Variants in ADAMTSL3 observed in about 807,000 individuals in gnomAD.
The protein encoded by ADAMTSL3 is ADAMTS like 3.
A neutral mutation model predicts 201.7 loss-of-function variants in ADAMTSL3; 128 were observed. The ratio of observed to expected loss-of-function variants is 0.63; its 90% CI spans 0.55 to 0.73. ADAMTSL3 has a LOEUF of 0.73. Ranked by LOEUF, ADAMTSL3 falls within the 30% of genes least tolerant of loss-of-function variation. ADAMTSL3 has a pLI of 0.00. For synonymous variants in ADAMTSL3, 738 were observed against 748.4 expected, an observed-to-expected ratio of 0.99 and a Z score of 0.23; for missense variants, 1,990 against 2,119.6, an observed-to-expected ratio of 0.94 and a Z score of 1.20.
At chr15:84,023,834 C>G (rs1315498947) in intron 26 of ADAMTSL3, among the ~76,000 whole-genome samples, 2 of 152,122 alleles carry the variant, frequency 1.3e-5, no homozygotes, top group Non-Finnish European at 2.9e-5. Context: ...GCCACAGCTC[C>G]CTCTGGTGGT....
rs1416606750 is a variant in ADAMTSL3 at position 83,990,612 on chromosome 15, G to C, written c.3845-474G>C. On this transcript the variant is annotated intron_variant, in intron 22 of 29. Transcript: ENST00000286744. Reference sequence around the variant, plus strand: ...CTGTCTTCATCAACCCCCTCCCCCAGTATCTCACATCCCTCCTTCCAGAAA... The same window carrying C: ...CTGTCTTCATCAACCCCCTCCCCCACTATCTCACATCCCTCCTTCCAGAAA... Among the ~76,000 whole-genome samples the C allele has an allele frequency of 2.0e-5, 3 of 152,098 alleles. No individual in the cohort carries two copies. The East Asian group carries it at 5.8e-4, about 29-fold the overall frequency.
chr15:84,004,556 C>T lies in ADAMTSL3; in HGVS notation c.3974-9986C>T, dbSNP rs2067857223. Among the ~76,000 whole-genome samples, 4 of 152,166 alleles carry T rather than the reference C, an allele frequency of 2.6e-5. No individual in the cohort carries two copies. In the South Asian group the frequency reaches 6.2e-4, roughly 24 times the overall value. ...GTAATCAGGAGTAAACTAGAATTAACCAGGAGTGAGTAAACAGGAGTAAAC... is the reference window on the plus strand; with the variant it reads ...GTAATCAGGAGTAAACTAGAATTAATCAGGAGTGAGTAAACAGGAGTAAAC... On this transcript the variant is annotated intron_variant, in intron 23 of 29. Coordinates refer to ENST00000286744, the MANE Select transcript of ADAMTSL3 (RefSeq NM_207517.3).
At chr15:83,696,857 T>C (rs955138383) in intron 2 of ADAMTSL3, among the ~76,000 whole-genome samples, 1 of 152,002 alleles carries the variant, frequency 6.6e-6, no homozygotes, top group Non-Finnish European at 1.5e-5. Context: ...TCTAAAACAG[T>C]CTTGAGATGC....
At chr15:83,678,403 A>C (rs927276791) in intron 2 of ADAMTSL3, among the ~76,000 whole-genome samples, 1 of 113,080 alleles carries the variant, frequency 8.8e-6, no homozygotes, top group African/African-American at 3.7e-5. Flanking sequence ...TGCTGGATAT[A>C]GAATTATAGG....
intron 3 of ADAMTSL3, among the ~76,000 whole-genome samples, chr15:83,728,954 C>G (rs2062223842): frequency 6.6e-6 from 1 of 152,008 alleles, no homozygotes; most frequent in African/African-American, 2.4e-5. Context: ...GATGAAATCT[C>G]TCAGTTTTTG....
intron 3 of ADAMTSL3, among the ~76,000 whole-genome samples, chr15:83,745,000 G>A (rs2062521688): frequency 6.6e-6 from 1 of 152,186 alleles, no homozygotes; most frequent in Admixed American, 6.5e-5. Flanking sequence ...TTTCCTCCTC[G>A]AATGTTTGCC....
intron 7 of ADAMTSL3, among the ~76,000 whole-genome samples, chr15:83,839,298 A>T (rs774113330): frequency 6.6e-6 from 1 of 152,162 alleles, no homozygotes; most frequent in Non-Finnish European, 1.5e-5. Context: ...TTTTTCAGGC[A>T]GAGGAAACAC....
chr15:83,913,372 G>T lies in ADAMTSL3; in HGVS notation c.1981G>T (p.Val661Leu), dbSNP rs4842838. 898,298 of 1,611,870 alleles carry T rather than the reference G, an allele frequency of 0.56. 255,803 individuals carry two copies. The highest frequency in any genetic ancestry group is 0.79 in the African/African-American group (59,361 of 74,958). ...GTTCACCCCTTGCACAGCAACATGC[G>T]TGGGAGGTATTTGAACCTTTGCTTA... ...AGFTPCTATCVGGHQEAIAVC... is the reference protein window; with the variant it reads ...AGFTPCTATCLGGHQEAIAVC... Residue 661 changes from valine to leucine, a missense_variant, in exon 16 of 30, where the codon GTG becomes TTG. Val to Leu is a conservative substitution (Grantham distance 32, BLOSUM62 1). Coordinates refer to ENST00000286744, the MANE Select transcript of ADAMTSL3 (RefSeq NM_207517.3).
intron 4 of ADAMTSL3, among the ~76,000 whole-genome samples, chr15:83,796,142 G>C (rs1488529734): frequency 2.6e-5 from 4 of 152,116 alleles, no homozygotes; most frequent in Admixed American, 6.5e-5. Flanking sequence ...TTAGGTGTGA[G>C]ATAAGAATGC....
At chr15:83,742,775 T>C (rs1252074506) in intron 3 of ADAMTSL3, among the ~76,000 whole-genome samples, 1 of 152,186 alleles carries the variant, frequency 6.6e-6, no homozygotes, top group Non-Finnish European at 1.5e-5. Flanking sequence ...TATGGGAGAG[T>C]TCCTTTCCAA....
rs1320641234 is a variant in ADAMTSL3, at chr15:83,982,606, T to G, written c.2978T>G (p.Leu993Arg). The G allele has an allele frequency of 6.2e-7, 1 of 1,614,154 alleles. No individual in the cohort carries two copies. Among genetic ancestry groups the G allele is most frequent in the East Asian group, 2.2e-5 (1 of 44,884 alleles). Residue 993 changes from leucine (L) to arginine (R), a missense_variant, in exon 21 of 30, where the codon CTC becomes CGC. Coordinates refer to ENST00000286744, the MANE Select transcript of ADAMTSL3 (RefSeq NM_207517.3). Reference protein sequence around the residue: ...IAGSAQETVVLKLIGTDNRLI... With the variant: ...IAGSAQETVVRKLIGTDNRLI... ...GGCTCTGCACAGGAAACAGTTGTGC[T>G]CAAGCTCATTGGTACTGACAACCGG...
intron 6 of ADAMTSL3, among the ~76,000 whole-genome samples, chr15:83,830,450 C>T (rs186843442): frequency 1.2e-4 from 18 of 152,048 alleles, no homozygotes; most frequent in Non-Finnish European, 2.4e-4. Flanking sequence ...AAGATAAGGG[C>T]GGGTGAGCAT....
intron 7 of ADAMTSL3, among the ~76,000 whole-genome samples, chr15:83,842,694 C>T (rs930729872): frequency 2.0e-5 from 3 of 152,176 alleles, no homozygotes; most frequent in African/African-American, 7.2e-5. Context: ...AGTGTGAAAA[C>T]AGAGTGATTG....
Position 83,662,714 on chromosome 15 carries a change from A to G in ADAMTSL3, c.69+6884A>G, listed in dbSNP as rs140280800. Among the ~76,000 whole-genome samples the G allele has an allele frequency of 9.4e-3, 1,432 of 152,176 alleles. 23 individuals are homozygous for G. Among genetic ancestry groups the G allele is most frequent in the African/African-American group, 0.033 (1,363 of 41,524 alleles). On this transcript the variant is annotated intron_variant, in intron 2 of 29. Transcript: ENST00000286744. ...TGGCTTCAGGTACCTGAAGTTGCAC[A>G]GGGCTCTTTTCCCTCTACCATGGAA...
At chr15:83,806,812 C>T (rs762131587) in intron 5 of ADAMTSL3, among the ~76,000 whole-genome samples, 6 of 152,116 alleles carry the variant, frequency 3.9e-5, no homozygotes, top group Non-Finnish European at 8.8e-5. Flanking sequence ...GAGATCACAC[C>T]ACTGCACTCC....
intron 3 of ADAMTSL3, among the ~76,000 whole-genome samples, chr15:83,748,072 A>G (rs1271802947): frequency 6.6e-6 from 1 of 152,122 alleles, no homozygotes; most frequent in African/African-American, 2.4e-5. Context: ...CTTCACCTCC[A>G]ATCCCATGTT....
rs560573549 is a variant in ADAMTSL3 at position 83,742,797 on chromosome 15, A to C, written c.190-30726A>C. On this transcript the variant is annotated intron_variant, in intron 3 of 29. Coordinates refer to ENST00000286744, the MANE Select transcript of ADAMTSL3 (RefSeq NM_207517.3). Reference sequence around the variant, plus strand: ...GAGTTCCTTTCCAATGATTTTGCCTAAAATGGGGTCACCTTCTTCGGTCTG... The same window carrying C: ...GAGTTCCTTTCCAATGATTTTGCCTCAAATGGGGTCACCTTCTTCGGTCTG... 1.8e-4 allele frequency among the ~76,000 whole-genome samples: 28 copies of C among 152,302 alleles called. No individual in the cohort carries two copies. In the South Asian group the frequency reaches 4.8e-3, roughly 26 times the overall value.
intron 28 of ADAMTSL3, among the ~76,000 whole-genome samples, chr15:84,034,098 A>AT (rs768740168): frequency 6.6e-6 from 1 of 151,822 alleles, no homozygotes; most frequent in Non-Finnish European, 1.5e-5. Flanking sequence ...TGGTGTTAAT[A>AT]TTTTTTCCTC....
Position 83,982,745 on chromosome 15 carries a change from CA to C in ADAMTSL3, c.3122del (p.Asn1041MetfsTer16). 6.2e-7 allele frequency: 1 copy of C among 1,613,986 alleles called. No individual in the cohort carries two copies. Among genetic ancestry groups the C allele is most frequent in the Non-Finnish European group, 8.5e-7 (1 of 1,180,012 alleles). ...WHKMRQMWNN[K>X]NDLYLDDDHI... is the part of the protein sequence containing the mutation. ...ACAAAATGAGGCAAATGTGGAATAACAAAAATGACCTTTATCTGGATGATGA... is the reference window on the plus strand; with the variant it reads ...ACAAAATGAGGCAAATGTGGAATAACAAAATGACCTTTATCTGGATGATGA... On this transcript the variant is annotated frameshift_variant, in exon 21 of 30. Transcript: ENST00000286744. LOFTEE classifies it high-confidence loss of function.
Sources: allele counts gnomAD v4.1 joint callset (sites outside exome capture counted in the v4.1 genomes callset), GRCh38; gene constraint gnomAD v4.1.1; transcripts MANE v1.5; gene names NCBI Gene and HGNC (gene_info 2026-07-23, HGNC 2026-07-21).